ELP4: variants seen among roughly 807,000 people sequenced by gnomAD.
ELP4 encodes elongator acetyltransferase complex subunit 4, also known as elongator complex protein 4.
In ELP4, 51 loss-of-function variants were observed where a neutral mutation model predicts 48.9. The ratio of observed to expected loss-of-function variants is 1.04; its 90% CI spans 0.83 to 1.32. The LOEUF is 1.32. ELP4 is among the 40% of genes most tolerant of loss of function. The pLI, the probability that ELP4 is intolerant of heterozygous loss-of-function variation, is 0.00. For missense variants in ELP4, 519 were observed against 514.6 expected, an observed-to-expected ratio of 1.01 and a Z score of -0.08; for synonymous variants, 210 against 189.2, an observed-to-expected ratio of 1.11 and a Z score of -0.90.
At chr11:31,763,873 G>A (rs1286587485) in intron 9 of ELP4, among the ~76,000 whole-genome samples, 10 of 151,940 alleles carry the variant, frequency 6.6e-5, no homozygotes, top group Admixed American at 5.9e-4. Flanking sequence ...GTGTGCACAG[G>A]TAGCCCATGG....
chr11:31,548,435 G>A (rs537070218), intron 3 of ELP4, among the ~76,000 whole-genome samples: 1 of 151,806 alleles, frequency 6.6e-6, no homozygotes, highest in Non-Finnish European at 1.5e-5. Context: ...CAAGGGATGT[G>A]AAGGACCTCT....
intron 9 of ELP4, among the ~76,000 whole-genome samples, chr11:31,738,696 G>C (rs531827674): frequency 6.6e-6 from 1 of 151,520 alleles, no homozygotes; most frequent in East Asian, 2.0e-4. Context: ...AGCGGAGATC[G>C]TGCCACTGTA....
intron 9 of ELP4, among the ~76,000 whole-genome samples, chr11:31,737,381 A>C (rs1947343299): frequency 6.6e-6 from 1 of 152,072 alleles, no homozygotes; most frequent in South Asian, 2.1e-4. Flanking sequence ...TGACAAGTTA[A>C]TGAGTGCAGC....
At chr11:31,660,659 T>A (rs1945537316) in intron 9 of ELP4, among the ~76,000 whole-genome samples, 1 of 152,064 alleles carries the variant, frequency 6.6e-6, no homozygotes, top group Non-Finnish European at 1.5e-5. Flanking sequence ...TGTTTTTTTT[T>A]AACATATGAA....
intron 7 of ELP4, among the ~76,000 whole-genome samples, chr11:31,644,520 C>CT (rs1220317243): frequency 3.3e-5 from 5 of 151,702 alleles, no homozygotes; most frequent in Non-Finnish European, 7.4e-5. Context: ...GATCATTATG[C>CT]TAAAGCTTTC....
chr11:31,539,563 GAAAA>G, intron 2 of ELP4, 95 bp from the exon 3 acceptor site: 1 of 1,280,120 alleles, frequency 7.8e-7, no homozygotes. Context: ...TTGTTTTAAG[GAAAA>G]AAAATATAAA....
intron 9 of ELP4, among the ~76,000 whole-genome samples, chr11:31,657,071 A>G (rs1945453055): frequency 6.6e-6 from 1 of 152,072 alleles, no homozygotes. Flanking sequence ...AAGTAAGAAG[A>G]TACATTTTAC....
At chr11:31,561,632 C>T (rs1317048887) in intron 3 of ELP4, among the ~76,000 whole-genome samples, 3 of 151,972 alleles carry the variant, frequency 2.0e-5, no homozygotes, top group South Asian at 4.1e-4. Context: ...TTAATAGAGA[C>T]GGAGTTTCAC....
chr11:31,710,532 G>A (rs1159635080), intron 9 of ELP4, among the ~76,000 whole-genome samples: 6 of 152,034 alleles, frequency 3.9e-5, no homozygotes, highest in African/African-American at 1.4e-4. Context: ...GGCTGAGACA[G>A]GAGAATTGCT....
At chr11:31,731,002 AAAAT>A (rs1424242351) in intron 9 of ELP4, among the ~76,000 whole-genome samples, 2 of 152,212 alleles carry the variant, frequency 1.3e-5, no homozygotes, top group African/African-American at 4.8e-5. Flanking sequence ...AATCTAAGTA[AAAAT>A]CTAAACACAC....
intron 9 of ELP4, among the ~76,000 whole-genome samples, chr11:31,667,608 T>A (rs1349220619): frequency 6.6e-6 from 1 of 152,156 alleles, no homozygotes. Flanking sequence ...TAACACCATC[T>A]AAAATAAGCA....
intron 9 of ELP4, chr11:31,689,279 A>T (rs1946224679): frequency 6.6e-6 from 1 of 152,092 alleles, no homozygotes; most frequent in Admixed American, 6.6e-5. Context: ...CGACTCTACA[A>T]AAATTTTTTT....
intron 9 of ELP4, among the ~76,000 whole-genome samples, chr11:31,715,915 A>C (rs1946833239): frequency 6.6e-6 from 1 of 152,206 alleles, no homozygotes; most frequent in South Asian, 2.1e-4. Context: ...GTTAATGATT[A>C]CACAGTTAAG....
chr11:31,581,470 G>A (rs1250430629), intron 3 of ELP4, among the ~76,000 whole-genome samples: 1 of 150,050 alleles, frequency 6.7e-6, no homozygotes, highest in Non-Finnish European at 1.5e-5. Flanking sequence ...TACAATTCTA[G>A]ATTAAAAATA....
chr11:31,509,829 G>T lies in ELP4; in HGVS notation c.45G>T (p.Gly15=). 1.2e-6 allele frequency: 2 copies of T among 1,614,174 alleles called. No individual in the cohort carries two copies. The highest frequency in any genetic ancestry group is 2.7e-5 in the African/African-American group (2 of 75,062). The stretch of plus-strand genomic sequence containing the variant: ...GCGGTAGTGTTGCCGCGAGTACTGG[G>T]TCTGCAGTGGCGACAGCCAGCAAGA... ...ATCGSVAAST[G]SAVATASKSN... The change falls in exon 1 of 10, where the codon GGG becomes GGT. Residue 15 remains glycine, a synonymous_variant. Coordinates refer to ENST00000640961, the MANE Select transcript of ELP4 (RefSeq NM_019040.5).
chr11:31,687,901 A>T (rs571140180), intron 9 of ELP4, among the ~76,000 whole-genome samples: 1 of 152,346 alleles, frequency 6.6e-6, no homozygotes, highest in African/African-American at 2.4e-5. Context: ...AAGTATAAAT[A>T]CTAAATTGTG....
At chr11:31,737,433 C>T (rs972878627) in intron 9 of ELP4, among the ~76,000 whole-genome samples, 2 of 151,798 alleles carry the variant, frequency 1.3e-5, no homozygotes, top group Admixed American at 6.6e-5. Flanking sequence ...CAAACCTGCA[C>T]ATTGTGCACA....
chr11:31,543,077 T>C (rs996067253), intron 3 of ELP4, among the ~76,000 whole-genome samples: 7 of 152,078 alleles, frequency 4.6e-5, no homozygotes, highest in Non-Finnish European at 1.0e-4. Context: ...AGACATGGCA[T>C]TTAAAATTAT....
At chr11:31,718,258 A>G (rs1214432516) in intron 9 of ELP4, among the ~76,000 whole-genome samples, 2 of 152,232 alleles carry the variant, frequency 1.3e-5, no homozygotes, top group African/African-American at 4.8e-5. Flanking sequence ...CCTTAATATT[A>G]ACCATCTGAG....
Sources: allele counts gnomAD v4.1 joint callset (sites outside exome capture counted in the v4.1 genomes callset), GRCh38; gene constraint gnomAD v4.1.1; transcripts MANE v1.5; gene names NCBI Gene and HGNC (gene_info 2026-07-23, HGNC 2026-07-21).